Variants in MROH9 observed in about 807,000 individuals in gnomAD.
MROH9 encodes maestro heat-like repeat-containing protein family member 9.
A neutral mutation model predicts 98.2 loss-of-function variants in MROH9; 92 were observed. That is an observed-to-expected ratio of 0.94 (90% CI 0.79 to 1.11). The LOEUF is 1.11. Ranked by LOEUF, MROH9 falls within the 50% of genes most tolerant of loss-of-function variation. MROH9 has a pLI of 0.00. For synonymous variants in MROH9, 397 were observed against 368.9 expected, an observed-to-expected ratio of 1.08 and a Z score of -0.87; for missense variants, 1,057 against 1,014.8, an observed-to-expected ratio of 1.04 and a Z score of -0.57.
chr1:170,936,195 G>A (rs959612390), intron 1 of MROH9, among the ~76,000 whole-genome samples: 2 of 151,956 alleles, frequency 1.3e-5, no homozygotes, highest in African/African-American at 4.8e-5. Context: ...ATAAGGTATT[G>A]GTTTACACAA....
Position 171,024,732 on chromosome 1 carries a change from T to C in MROH9, c.2145T>C (p.Phe715=). 6.5e-7 allele frequency: 1 copy of C among 1,549,580 alleles called. No individual in the cohort carries two copies. Among genetic ancestry groups the C allele is most frequent in the Non-Finnish European group, 8.7e-7 (1 of 1,145,202 alleles). ...SRLLKDENYS[F]EMVVLNICNN... ...TGCTCAAAGATGAAAATTACAGTTT[T>C]GAGATGGTGGTGCTCAATATCTGTA... The change falls in exon 19 of 22, where the codon TTT becomes TTC. Residue 715 remains phenylalanine (F), a synonymous_variant. Transcript: ENST00000367759.
chr1:170,936,190 G>A (rs985353343), intron 1 of MROH9, among the ~76,000 whole-genome samples: 1 of 152,008 alleles, frequency 6.6e-6, no homozygotes, highest in Admixed American at 6.6e-5. Flanking sequence ...TTATTATAAG[G>A]TATTGGTTTA....
At chr1:170,986,461 C>A in intron 9 of MROH9, 100 bp from the exon 10 acceptor site, 1 of 1,247,512 alleles carries the variant, frequency 8.0e-7, no homozygotes, top group Non-Finnish European at 1.1e-6. Context: ...AGACTTGTGG[C>A]CCTGCTTGGC....
At chr1:171,056,943 C>T (rs1331050878) in intron 20 of MROH9, among the ~76,000 whole-genome samples, 1 of 152,162 alleles carries the variant, frequency 6.6e-6, no homozygotes, top group African/African-American at 2.4e-5. Context: ...AAAAAGTCCT[C>T]ACAAAAACTT....
chr1:170,986,240 G>T (rs61816053), intron 9 of MROH9, among the ~76,000 whole-genome samples: 1 of 151,900 alleles, frequency 6.6e-6, no homozygotes, highest in Non-Finnish European at 1.5e-5. Flanking sequence ...TTTCTTCATA[G>T]TTGTTTCTGA....
At chr1:171,058,739 T>C (rs1653926143) in intron 20 of MROH9, among the ~76,000 whole-genome samples, 1 of 152,162 alleles carries the variant, frequency 6.6e-6, no homozygotes, top group Admixed American at 6.5e-5. Context: ...AAACAAGCAA[T>C]GGGGAAAGGA....
chr1:171,012,530 T>C (rs28605202), intron 15 of MROH9, among the ~76,000 whole-genome samples: 1,903 of 138,442 alleles, frequency 0.014, 52 homozygotes, highest in African/African-American at 0.053. Flanking sequence ...TGAGATGGAG[T>C]CTTGCTCCGT....
intron 2 of MROH9, among the ~76,000 whole-genome samples, chr1:170,946,665 TA>T (rs1200552702): frequency 6.6e-6 from 1 of 151,990 alleles, no homozygotes; most frequent in African/African-American, 2.4e-5. Flanking sequence ...AATAAAAAGT[TA>T]TTTTTTTAAA....
intron 20 of MROH9, among the ~76,000 whole-genome samples, chr1:171,058,202 A>G (rs988536679): frequency 6.6e-6 from 1 of 152,102 alleles, no homozygotes; most frequent in African/African-American, 2.4e-5. Flanking sequence ...AACAATAGAC[A>G]AGCAGAGAGC....
At chr1:171,044,393 T>C (rs528120539) in intron 20 of MROH9, among the ~76,000 whole-genome samples, 1 of 152,336 alleles carries the variant, frequency 6.6e-6, no homozygotes, top group African/African-American at 2.4e-5. Context: ...TTTGCATTAA[T>C]ATTCATCAGA....
chr1:170,971,311 T>C, intron 7 of MROH9, among the ~76,000 whole-genome samples: 1 of 152,176 alleles, frequency 6.6e-6, no homozygotes, highest in East Asian at 1.9e-4. Context: ...GCATGCCTCC[T>C]CAGTGACTTG....
rs1571451825 is a variant in MROH9, at chr1:170,960,204, A to G, written c.288+607A>G. ...CTTTAATGTAGAAACTTTCTCAGCT[A>G]TGTTCCTGTATCCCTAACACAGATT... On this transcript the variant is annotated intron_variant, in intron 5 of 21. Transcript: ENST00000367759. Among the ~76,000 whole-genome samples, 7 of 152,320 alleles carry G rather than the reference A, an allele frequency of 4.6e-5. 1 individual carries two copies.
chr1:171,051,503 T>C (rs1184849541), intron 20 of MROH9, among the ~76,000 whole-genome samples: 2 of 151,794 alleles, frequency 1.3e-5, no homozygotes, highest in Non-Finnish European at 2.9e-5. Context: ...AAACAAAACA[T>C]CACATATTCT....
rs551477199 is a variant in MROH9, at chr1:170,976,987, T to C, written c.616+5104T>C. 7.2e-5 allele frequency among the ~76,000 whole-genome samples: 11 copies of C among 152,290 alleles called. No individual in the cohort carries two copies. The East Asian group carries it at 1.5e-3, about 21-fold the overall frequency. On this transcript the variant is annotated intron_variant, in intron 8 of 21. Coordinates refer to ENST00000367759, the MANE Select transcript of MROH9 (RefSeq NM_001163629.2). ...TGACTGCCTTAATTCAGAGAGCCAG[T>C]CTTCAAGTTTCAAGATTTTTTTCCT... is the stretch of plus-strand genomic sequence containing the variant.
At chr1:170,989,778 A>C in intron 10 of MROH9, 77 bp from the exon 11 acceptor site, 1 of 1,332,714 alleles carries the variant, frequency 7.5e-7, no homozygotes, top group Non-Finnish European at 1.0e-6. Context: ...GTGAATTCTT[A>C]TGTCCAAGAA....
intron 20 of MROH9, among the ~76,000 whole-genome samples, chr1:171,034,302 T>G (rs1442536288): frequency 6.6e-6 from 1 of 152,212 alleles, no homozygotes; most frequent in African/African-American, 2.4e-5. Context: ...TCATGAATTC[T>G]TCTTGAAGAC....
intron 20 of MROH9, among the ~76,000 whole-genome samples, chr1:171,061,637 G>T (rs559346945): frequency 6.6e-6 from 1 of 152,282 alleles, no homozygotes; most frequent in Non-Finnish European, 1.5e-5. Flanking sequence ...CCATAGATAT[G>T]TAAACAAATG....
chr1:170,999,531 T>C (rs1398885382), intron 15 of MROH9, among the ~76,000 whole-genome samples: 3 of 151,936 alleles, frequency 2.0e-5, no homozygotes. Context: ...TCCATCTATA[T>C]ATATATATAT....
At chr1:171,007,148 T>TTC (rs1651979339) in intron 15 of MROH9, among the ~76,000 whole-genome samples, 1 of 152,234 alleles carries the variant, frequency 6.6e-6, no homozygotes, top group Admixed American at 6.5e-5. Flanking sequence ...ACACCTGGGC[T>TTC]AATGCCTCCA....
Sources: gnomAD v4.1 joint callset for allele counts (sites outside exome capture counted in the v4.1 genomes callset) on GRCh38, gnomAD v4.1.1 for gene constraint, MANE v1.5 for transcripts, NCBI Gene and HGNC (gene_info 2026-07-23, HGNC 2026-07-21) for gene names.